The following SMC1B variants were observed in gnomAD, a reference collection of about 807,000 sequenced individuals.
SMC1B encodes the protein structural maintenance of chromosomes 1B, also known as structural maintenance of chromosomes protein 1B.
In SMC1B, 60 loss-of-function variants were observed where a neutral mutation model predicts 157.9. The ratio of observed to expected loss-of-function variants is 0.38; its 90% CI spans 0.31 to 0.47. The LOEUF is 0.47. Ranked by LOEUF, SMC1B falls within the 20% of genes least tolerant of loss-of-function variation. The probability of loss-of-function intolerance (pLI) is 0.99; values close to 1 mark genes in which losing one functional copy is unlikely to be tolerated. For missense variants in SMC1B, 1,165 were observed against 1,426.2 expected (o/e 0.82, Z 2.95); for synonymous variants, 445 against 483.0 (o/e 0.92, Z 1.03).
rs754223496 is a variant in SMC1B, at chr22:45,345,479, G to A, written c.3586C>T (p.Leu1196=). 1 of 1,613,048 alleles carries A rather than the reference G, an allele frequency of 6.2e-7. No homozygotes were observed. The highest frequency in any genetic ancestry group is 8.5e-7 in the Non-Finnish European group (1 of 1,179,022). The change falls in exon 24 of 25, where the codon CTG becomes TTG. Residue 1196 remains leucine (L), a synonymous_variant. Coordinates refer to ENST00000357450, the MANE Select transcript of SMC1B (RefSeq NM_148674.5). ...KEEFYSRADA[L]IGIYPEYDDC... ...TTTACCTCAGGATAGATGCCGATCA[G>A]CGCGTCGGCTCTGGAATAGAACTCT...
At chr22:45,369,628 C>T (rs1466876262) in intron 15 of SMC1B, among the ~76,000 whole-genome samples, 2 of 150,538 alleles carry the variant, frequency 1.3e-5, no homozygotes, top group East Asian at 2.0e-4. Flanking sequence ...CTGCAAGCTC[C>T]GCCTCCTGGG....
intron 15 of SMC1B, among the ~76,000 whole-genome samples, chr22:45,369,548 T>C (rs1334433400): frequency 6.7e-6 from 1 of 148,168 alleles, no homozygotes; most frequent in East Asian, 1.9e-4. Context: ...GTTTCTTTTT[T>C]TTTTTTTTTT....
intron 22 of SMC1B, among the ~76,000 whole-genome samples, chr22:45,351,724 A>G (rs1287230117): frequency 2.0e-5 from 3 of 151,728 alleles, no homozygotes; most frequent in Admixed American, 6.6e-5. Flanking sequence ...ACTTTTTTCT[A>G]TTTTCTGTAG....
At chr22:45,382,992 G>A (rs1240922085) in intron 12 of SMC1B, among the ~76,000 whole-genome samples, 2 of 152,124 alleles carry the variant, frequency 1.3e-5, no homozygotes, top group African/African-American at 2.4e-5. Context: ...AATTAGCTGG[G>A]CATGGTGGCA....
At chr22:45,405,376 G>T (rs912452793) in intron 4 of SMC1B, among the ~76,000 whole-genome samples, 1 of 151,802 alleles carries the variant, frequency 6.6e-6, no homozygotes, top group Admixed American at 6.6e-5. Context: ...GTGAAACCCC[G>T]TCTCTACTAA....
intron 1 of SMC1B, among the ~76,000 whole-genome samples, chr22:45,410,030 C>G (rs1410996742): frequency 1.3e-5 from 2 of 152,184 alleles, no homozygotes; most frequent in Non-Finnish European, 2.9e-5. Context: ...TGGTGGGCAA[C>G]ATTTCACATG....
chr22:45,381,172 T>G (rs1180013669), intron 12 of SMC1B, among the ~76,000 whole-genome samples: 1 of 152,084 alleles, frequency 6.6e-6, no homozygotes, highest in Non-Finnish European at 1.5e-5. Context: ...CTATACTAAA[T>G]TTCCTTAATG....
rs1296577712 is a variant in SMC1B at position 45,394,719 on chromosome 22, T to C, written c.1303A>G (p.Ile435Val). Residue 435 changes from isoleucine (I) to valine (V), a missense_variant, in exon 8 of 25, where the codon ATA becomes GTA. Transcript: ENST00000357450. ...KEQIEDHKKR[I>V]EKLEEYTKTC... The stretch of plus-strand genomic sequence containing the variant: ...TTTGTATACTCCTCTAACTTCTCTA[T>C]TCGTTTTTTATGATCTTCTATTTGT... The C allele has an allele frequency of 5.1e-6, 8 of 1,564,208 alleles. No individual in the cohort carries two copies. In the East Asian group the frequency reaches 6.8e-5, roughly 13 times the overall value.
intron 23 of SMC1B, among the ~76,000 whole-genome samples, chr22:45,348,354 C>A (rs2086573121): frequency 6.6e-6 from 1 of 151,252 alleles, no homozygotes; most frequent in African/African-American, 2.4e-5. Flanking sequence ...GAGTTTGAGA[C>A]CAGCCTTGGT....
chr22:45,362,849 A>T (rs1380894880), intron 16 of SMC1B, 36 bp downstream of exon 16: 1 of 1,554,302 alleles, frequency 6.4e-7, no homozygotes, highest in Non-Finnish European at 8.8e-7. Context: ...TCATAATTTC[A>T]ATGAAGAGGC....
At chr22:45,368,173 C>T (rs2086793682) in intron 15 of SMC1B, among the ~76,000 whole-genome samples, 1 of 152,070 alleles carries the variant, frequency 6.6e-6, no homozygotes, top group Non-Finnish European at 1.5e-5. Context: ...CTTAACTATT[C>T]ACATCTTAAG....
At chr22:45,353,906 A>AAAAAAAAAAAAAAAAAAACCACCACCGGT in intron 21 of SMC1B, 72 bp downstream of exon 21, 1 of 650,284 alleles carries the variant, frequency 1.5e-6, no homozygotes, top group South Asian at 2.3e-5. Context: ...AAAAAAAAAA[A>AAAAAAAAAAAAAAAAAAACCACCACCGGT]AAAAAAAAAA....
intron 10 of SMC1B, among the ~76,000 whole-genome samples, chr22:45,389,042 T>A (rs905967241): frequency 2.1e-5 from 3 of 144,392 alleles, no homozygotes; most frequent in Non-Finnish European, 4.6e-5. Context: ...AAATTAAGAC[T>A]ATATTAAGTA....
intron 19 of SMC1B, among the ~76,000 whole-genome samples, 194 bp from the exon 20 acceptor site, chr22:45,355,309 T>C (rs1443392763): frequency 1.3e-5 from 2 of 152,222 alleles, no homozygotes; most frequent in African/African-American, 4.8e-5. Context: ...AGTGCTCTTT[T>C]CTTTGAACAC....
At chr22:45,357,019 C>T (rs932122043) in intron 19 of SMC1B, among the ~76,000 whole-genome samples, 1 of 152,196 alleles carries the variant, frequency 6.6e-6, no homozygotes, top group Non-Finnish European at 1.5e-5. Flanking sequence ...AGGCGTGAGC[C>T]ACCACGCCCG....
intron 23 of SMC1B, among the ~76,000 whole-genome samples, chr22:45,345,846 A>G (rs530608032): frequency 3.8e-4 from 58 of 152,354 alleles, no homozygotes; most frequent in African/African-American, 1.3e-3. Context: ...ACCAGCCTTT[A>G]TAACAAGAAA....
chr22:45,383,127 C>T (rs1038860973), intron 12 of SMC1B, among the ~76,000 whole-genome samples: 19 of 129,382 alleles, frequency 1.5e-4, no homozygotes, highest in African/African-American at 6.3e-4. Context: ...GAGCGAAACT[C>T]TGTCTCAAAA....
intron 18 of SMC1B, among the ~76,000 whole-genome samples, chr22:45,359,409 T>G (rs1026257583): frequency 1.3e-5 from 2 of 152,212 alleles, no homozygotes; most frequent in African/African-American, 2.4e-5. Flanking sequence ...CGTCACCACC[T>G]GGAGATACTC....
chr22:45,389,681 C>T lies in SMC1B; in HGVS notation c.1731+31G>A, dbSNP rs745954414. ...TCTTTAAAAGACAAGATTTTTATCACTATAAATACCAGGCATTACAAAGTT... is the reference window on the plus strand; with the variant it reads ...TCTTTAAAAGACAAGATTTTTATCATTATAAATACCAGGCATTACAAAGTT... On this transcript the variant is annotated intron_variant, in intron 10 of 24. Transcript: ENST00000357450. The T allele has an allele frequency of 4.2e-5, 66 of 1,578,120 alleles. No individual in the cohort carries two copies. The Middle Eastern group carries it at 1.0e-3, about 24-fold the overall frequency.
Sources: gnomAD v4.1 joint callset for allele counts (sites outside exome capture counted in the v4.1 genomes callset) on GRCh38, gnomAD v4.1.1 for gene constraint, MANE v1.5 for transcripts, NCBI Gene and HGNC (gene_info 2026-07-23, HGNC 2026-07-21) for gene names.